The following XPR1 variants were observed in gnomAD, a reference collection of about 807,000 sequenced individuals.
XPR1 encodes the protein xenotropic and polytropic retrovirus receptor 1.
XPR1 carries 28 observed loss-of-function variants against 87.5 expected under a neutral mutation model. The observed-to-expected ratio is 0.32, with a 90% CI of 0.24 to 0.44. The LOEUF (loss-of-function observed/expected upper bound fraction) is 0.44, where lower values mean the gene tolerates loss of function less well. Among genes scored for constraint, XPR1 ranks in the 20% least tolerant of loss-of-function variants. XPR1 has a pLI of 1.00. For synonymous variants in XPR1, 300 were observed against 306.1 expected (o/e 0.98, Z 0.21); for missense variants, 559 against 862.3 (o/e 0.65, Z 4.41).
chr1:180,673,511 G>A (rs182425432), intron 1 of XPR1, among the ~76,000 whole-genome samples: 22 of 152,234 alleles, frequency 1.4e-4, no homozygotes, highest in African/African-American at 4.6e-4. Context: ...CCCCAAGGCC[G>A]CAGACCAGTA....
intron 1 of XPR1, among the ~76,000 whole-genome samples, chr1:180,677,960 C>T (rs1656422363): frequency 6.6e-6 from 1 of 152,232 alleles, no homozygotes; most frequent in South Asian, 2.1e-4. Flanking sequence ...TTCTGCCTGG[C>T]TGACTGCAGA....
chr1:180,889,739 G>C lies in XPR1; in HGVS notation c.*5673G>C, dbSNP rs902584641. ...GTATCAATGAAGAGTATTTAGGAGG[G>C]GAATAGGGGGAAAATTGTATTTTTC... is the stretch of plus-strand genomic sequence containing the variant. On this transcript the variant is annotated 3_prime_UTR_variant, in exon 15 of 15. Transcript: ENST00000367590. The C allele has an allele frequency of 2.6e-5, 4 of 152,146 alleles. No homozygotes were observed. The highest frequency in any genetic ancestry group is 9.7e-5 in the African/African-American group (4 of 41,428). The allele number at this position is 152,146 out of a possible 1,614,324, so 9.4% of individuals were successfully genotyped here. A position where few individuals can be genotyped will look rare whatever the true frequency, so the allele number is the denominator to read the frequency against.
Position 180,873,961 on chromosome 1 carries a change from A to C in XPR1, c.1808+19A>C. On this transcript the variant is annotated intron_variant, in intron 13 of 14. Coordinates refer to ENST00000367590, the MANE Select transcript of XPR1 (RefSeq NM_004736.4). ...TTTTCCGGTAAGCAAACTACTGAAA[A>C]GTTTATTAAAGATTCTTTTTAACCT... 3 of 1,602,252 alleles carry C rather than the reference A, an allele frequency of 1.9e-6. No homozygotes were observed. Among genetic ancestry groups the C allele is most frequent in the Non-Finnish European group, 2.6e-6 (3 of 1,174,494 alleles).
At chr1:180,811,238 T>G (rs1650200841) in intron 6 of XPR1, among the ~76,000 whole-genome samples, 169 bp from the exon 7 acceptor site, 1 of 152,122 alleles carries the variant, frequency 6.6e-6, no homozygotes, top group Admixed American at 6.5e-5. Context: ...TTGAATAGTA[T>G]TATAGGATGA....
At chr1:180,789,626 C>T (rs1649304061) in intron 3 of XPR1, among the ~76,000 whole-genome samples, 1 of 151,700 alleles carries the variant, frequency 6.6e-6, no homozygotes, top group Non-Finnish European at 1.5e-5. Context: ...TGCTATGTTG[C>T]CCAGGCAGGT....
At chr1:180,757,274 G>T (rs1052936612) in intron 2 of XPR1, among the ~76,000 whole-genome samples, 4 of 152,116 alleles carry the variant, frequency 2.6e-5, no homozygotes, top group African/African-American at 9.7e-5. Context: ...TTGGAAATGG[G>T]TATTTGGAAA....
intron 1 of XPR1, among the ~76,000 whole-genome samples, chr1:180,674,370 T>C (rs1339756733): frequency 6.6e-6 from 1 of 152,190 alleles, no homozygotes; most frequent in East Asian, 1.9e-4. Context: ...GTGATTCTCC[T>C]GCCTCAGCCT....
chr1:180,686,139 C>G (rs1656767219), intron 2 of XPR1, among the ~76,000 whole-genome samples: 1 of 152,098 alleles, frequency 6.6e-6, no homozygotes, highest in Admixed American at 6.5e-5. Context: ...TATAAATTTT[C>G]CTCTACACAC....
chr1:180,723,673 A>G (rs1450509128), intron 2 of XPR1, among the ~76,000 whole-genome samples: 1 of 151,942 alleles, frequency 6.6e-6, no homozygotes, highest in Admixed American at 6.6e-5. Context: ...CCTGTCTTCA[A>G]CTCTTCTGGA....
intron 7 of XPR1, among the ~76,000 whole-genome samples, chr1:180,815,812 G>GTACT (rs1213868857): frequency 1.3e-5 from 2 of 152,114 alleles, no homozygotes; most frequent in Non-Finnish European, 2.9e-5. Flanking sequence ...AGTGGTAAGA[G>GTACT]TACTCATTGT....
intron 1 of XPR1, among the ~76,000 whole-genome samples, chr1:180,640,961 C>A (rs1654943081): frequency 6.6e-6 from 1 of 152,146 alleles, no homozygotes; most frequent in African/African-American, 2.4e-5. Flanking sequence ...TTAAGTGATT[C>A]AGGTTATATG....
At position 180,689,381 on chromosome 1, in the gene XPR1, A is replaced by G. The variant is rs971334143; in HGVS notation, c.121+6970A>G. 5.9e-5 allele frequency among the ~76,000 whole-genome samples: 9 copies of G among 152,320 alleles called. No individual in the cohort carries two copies. In the South Asian group the frequency reaches 1.4e-3, roughly 25 times the overall value. ...TGTGTCTCTATTTTTAAAAGATTTA[A>G]GAATTTTTTAAAACATTACTTTGAA... On this transcript the variant is annotated intron_variant, in intron 2 of 14. Coordinates refer to ENST00000367590, the MANE Select transcript of XPR1 (RefSeq NM_004736.4).
At chr1:180,717,666 AATG>A (rs1386617371) in intron 2 of XPR1, among the ~76,000 whole-genome samples, 1 of 152,176 alleles carries the variant, frequency 6.6e-6, no homozygotes, top group Non-Finnish European at 1.5e-5. Context: ...TCTGGCTAAG[AATG>A]ATGAATTAAA....
intron 2 of XPR1, among the ~76,000 whole-genome samples, chr1:180,748,354 A>G (rs562008172): frequency 6.6e-6 from 1 of 151,292 alleles, no homozygotes; most frequent in Admixed American, 6.6e-5. Flanking sequence ...TAAATGCTCA[A>G]AACTCATCAC....
intron 1 of XPR1, among the ~76,000 whole-genome samples, chr1:180,662,332 A>G (rs1402777755): frequency 6.6e-6 from 1 of 152,208 alleles, no homozygotes; most frequent in Non-Finnish European, 1.5e-5. Flanking sequence ...TGAAATAATC[A>G]GCTTTTATTT....
chr1:180,853,035 C>T (rs1205990628), intron 11 of XPR1, among the ~76,000 whole-genome samples: 2 of 152,116 alleles, frequency 1.3e-5, no homozygotes, highest in Non-Finnish European at 2.9e-5. Context: ...GGTTCAAGCA[C>T]TTCTCATGCC....
At chr1:180,729,491 C>T (rs936674502) in intron 2 of XPR1, among the ~76,000 whole-genome samples, 5 of 152,218 alleles carry the variant, frequency 3.3e-5, no homozygotes, top group African/African-American at 1.2e-4. Context: ...CTACTTTCCA[C>T]AATAGTTGAA....
intron 2 of XPR1, among the ~76,000 whole-genome samples, chr1:180,730,641 A>T (rs999916149): frequency 6.6e-6 from 1 of 151,750 alleles, no homozygotes; most frequent in East Asian, 1.9e-4. Flanking sequence ...CTTTTGGCAA[A>T]TTTTTCCCCC....
chr1:180,656,348 TTAATATTTATA>T (rs1176588790), intron 1 of XPR1, among the ~76,000 whole-genome samples: 39 of 106,344 alleles, frequency 3.7e-4, no homozygotes, highest in African/African-American at 1.2e-3. Context: ...ATTTATATAT[TTAATATTTATA>T]TATATAATAT....
Sources: allele counts gnomAD v4.1 joint callset (sites outside exome capture counted in the v4.1 genomes callset), GRCh38; gene constraint gnomAD v4.1.1; transcripts MANE v1.5; gene names NCBI Gene and HGNC (gene_info 2026-07-23, HGNC 2026-07-21).